The following RGPD3 variants were observed in gnomAD, a reference collection of about 807,000 sequenced individuals.
RGPD3 encodes RANBP2 like and GRIP domain containing 3.
A neutral mutation model predicts 154.5 loss-of-function variants in RGPD3; 62 were observed. That is an observed-to-expected ratio of 0.40 (90% CI 0.33 to 0.50). The LOEUF (loss-of-function observed/expected upper bound fraction) is 0.50. Ranked by LOEUF, RGPD3 falls within the 20% of genes least tolerant of loss-of-function variation. The pLI is 0.59. For synonymous variants in RGPD3, 308 were observed against 607.0 expected (o/e 0.51, Z 7.24); for missense variants, 919 against 1,716.8 (o/e 0.54, Z 8.21).
chr2:106,460,301 G>A (rs1288697338), intron 1 of RGPD3, among the ~76,000 whole-genome samples: 1 of 150,916 alleles, frequency 6.6e-6, no homozygotes, highest in Admixed American at 6.6e-5. Flanking sequence ...GGGGAGGAAA[G>A]GTATTCCAGA....
In RGPD3 at chr2:106,422,536, C is replaced by G. The variant is rs1473253405; in HGVS notation, c.4924+507G>C. Among the ~76,000 whole-genome samples the G allele has an allele frequency of 3.9e-5, 6 of 152,132 alleles. No individual in the cohort carries two copies. The South Asian group carries it at 6.2e-4, about 16-fold the overall frequency. On this transcript the variant is annotated intron_variant, in intron 20 of 22. Transcript: ENST00000409886. Reference sequence around the variant, plus strand: ...GCTGCTAATTATAGGCACGCACCACCACGCCCGGCTCATTTTTGTATTTTC... The same window carrying G: ...GCTGCTAATTATAGGCACGCACCACGACGCCCGGCTCATTTTTGTATTTTC...
intron 1 of RGPD3, among the ~76,000 whole-genome samples, chr2:106,464,151 C>T (rs1678487760): frequency 6.6e-6 from 1 of 152,026 alleles, no homozygotes; most frequent in Non-Finnish European, 1.5e-5. Context: ...CGAGACTATC[C>T]TGGCTAACAC....
At chr2:106,434,079 C>T in intron 15 of RGPD3, 149 bp downstream of exon 15, 3 of 985,970 alleles carry the variant, frequency 3.0e-6, no homozygotes, top group South Asian at 1.6e-5. Context: ...GCAAGCAAAT[C>T]TAAGCATTTA....
rs367790713 is a variant in RGPD3 at position 106,434,353 on chromosome 2, C to T, written c.2080G>A (p.Asp694Asn). ...GGAGAAAGGGCATCATTTGCAATGTCTTCTGCCTTCCTGTGAAAAATCTAT... is the reference window on the plus strand; with the variant it reads ...GGAGAAAGGGCATCATTTGCAATGTTTTCTGCCTTCCTGTGAAAAATCTAT... ...LALIFHRKAE[D>N]IANDALSPEE... Residue 694 changes from aspartate to asparagine, a missense_variant, in exon 15 of 23, where the codon GAC becomes AAC. Physicochemically the swap from Asp to Asn is conservative, Grantham distance 23. Coordinates refer to ENST00000409886, the MANE Select transcript of RGPD3 (RefSeq NM_001144013.2). 3.8e-4 allele frequency: 614 copies of T among 1,611,360 alleles called. 3 individuals carry two copies. The African/African-American group carries it at 7.0e-3, about 18-fold the overall frequency.
At chr2:106,430,484 A>C (rs1174310131) in intron 17 of RGPD3, among the ~76,000 whole-genome samples, 1,331 of 141,740 alleles carry the variant, frequency 9.4e-3, no homozygotes, top group African/African-American at 0.036. Flanking sequence ...CTCTAACATT[A>C]CACTGACCAT....
At chr2:106,414,057 T>C (rs1417032527) in intron 21 of RGPD3, among the ~76,000 whole-genome samples, 1 of 152,010 alleles carries the variant, frequency 6.6e-6, no homozygotes, top group Non-Finnish European at 1.5e-5. Context: ...GAACGGCACT[T>C]AATCAAAAGT....
intron 22 of RGPD3, among the ~76,000 whole-genome samples, chr2:106,406,405 G>A (rs1047300624): frequency 2.8e-5 from 4 of 142,316 alleles, no homozygotes; most frequent in African/African-American, 1.1e-4. Context: ...GAATCACACT[G>A]TACATAGTAT....
At chr2:106,407,513 TG>T (rs1676551915) in intron 22 of RGPD3, among the ~76,000 whole-genome samples, 3 of 151,232 alleles carry the variant, frequency 2.0e-5, no homozygotes, top group Admixed American at 6.6e-5. Context: ...GAGGTAACCT[TG>T]TTCCCAGGAA....
At chr2:106,416,342 T>C (rs1376338384) in intron 20 of RGPD3, among the ~76,000 whole-genome samples, 3 of 138,822 alleles carry the variant, frequency 2.2e-5, no homozygotes, top group African/African-American at 5.4e-5. Flanking sequence ...AGCATTAACA[T>C]TTACTGGTCA....
chr2:106,457,290 T>A (rs1350367368), intron 3 of RGPD3, among the ~76,000 whole-genome samples, 167 bp from the exon 4 acceptor site: 1 of 152,252 alleles, frequency 6.6e-6, no homozygotes, highest in Non-Finnish European at 1.5e-5. Context: ...CAAATAAAAG[T>A]GTCTTGGAAT....
At chr2:106,450,468 C>G (rs551101565) in intron 6 of RGPD3, among the ~76,000 whole-genome samples, 4 of 150,956 alleles carry the variant, frequency 2.6e-5, no homozygotes, top group African/African-American at 9.8e-5. Context: ...AAGTCACCCC[C>G]TCATGGTCCA....
intron 6 of RGPD3, among the ~76,000 whole-genome samples, chr2:106,448,250 G>A (rs1205352911): frequency 6.6e-6 from 1 of 152,112 alleles, no homozygotes; most frequent in Non-Finnish European, 1.5e-5. Flanking sequence ...TGGGATTACA[G>A]GCACCTGCCA....
chr2:106,406,684 C>A (rs1461639064), intron 22 of RGPD3, among the ~76,000 whole-genome samples: 1 of 151,810 alleles, frequency 6.6e-6, no homozygotes, highest in Non-Finnish European at 1.5e-5. Context: ...TTTTAAAGTG[C>A]ATAATTCACT....
intron 6 of RGPD3, among the ~76,000 whole-genome samples, chr2:106,450,890 A>AAAAAAAAAAAAAAAAAC (rs1553462282): frequency 8.4e-6 from 1 of 118,832 alleles, no homozygotes; most frequent in Non-Finnish European, 1.7e-5. Context: ...TCAAAAAAAA[A>AAAAAAAAAAAAAAAAAC]AGAGAGATTG....
In RGPD3 at chr2:106,415,910, G is replaced by T; in HGVS notation, c.5004C>A (p.His1668Gln). 2 of 1,611,878 alleles carry T rather than the reference G, an allele frequency of 1.2e-6. No homozygotes were observed. The highest frequency in any genetic ancestry group is 1.7e-6 in the Non-Finnish European group (2 of 1,179,848). ...KLSSTTKSADHLNGLLREIEA... is the reference protein window; with the variant it reads ...KLSSTTKSADQLNGLLREIEA... ...CTATTTCCCGAAGCAGGCCGTTTAAGTGATCTGCACTTTTTGTGGTGGAAC... is the reference window on the plus strand; with the variant it reads ...CTATTTCCCGAAGCAGGCCGTTTAATTGATCTGCACTTTTTGTGGTGGAAC... Residue 1668 changes from histidine (H) to glutamine (Q), a missense_variant, in exon 21 of 23, where the codon CAC (histidine) becomes CAA (glutamine). Physicochemically the swap from His to Gln is conservative, Grantham distance 24. Transcript: ENST00000409886.
At chr2:106,410,688 T>C (rs1342473255) in intron 22 of RGPD3, among the ~76,000 whole-genome samples, 1 of 152,208 alleles carries the variant, frequency 6.6e-6, no homozygotes, top group African/African-American at 2.4e-5. Flanking sequence ...ATTTCTGTCT[T>C]GCTTTTTATA....
rs781672566 is a variant in RGPD3, at chr2:106,423,893, A to G, written c.4074T>C (p.Phe1358=). ...SSGEENEQVV[F]SHRAEFYRYD... ...ATCTGTAGAATTCTGCCCTGTGACT[A>G]AAAACAACTTGTTCATTTTCCTCAC... The change falls in exon 20 of 23, where the codon TTT becomes TTC. Residue 1358 remains phenylalanine, a synonymous_variant. Coordinates refer to ENST00000409886, the MANE Select transcript of RGPD3 (RefSeq NM_001144013.2). 589 of 1,611,914 alleles carry G rather than the reference A, an allele frequency of 3.7e-4. 1 individual carries two copies. Among genetic ancestry groups the G allele is most frequent in the Middle Eastern group, 1.1e-3 (5 of 4,430 alleles).
intron 20 of RGPD3, 66 bp downstream of exon 20, chr2:106,422,977 G>C (rs1677041910): frequency 2.5e-6 from 4 of 1,594,904 alleles, no homozygotes; most frequent in East Asian, 2.2e-5. Context: ...CCCACAAAGA[G>C]TCTGCATCAA....
intron 7 of RGPD3, among the ~76,000 whole-genome samples, chr2:106,442,292 C>A (rs1677772628): frequency 1.0e-5 from 1 of 98,634 alleles, no homozygotes; most frequent in Non-Finnish European, 2.0e-5. Context: ...AATTACATTA[C>A]TTTTCTACCC....
Sources: allele counts gnomAD v4.1 joint callset (sites outside exome capture counted in the v4.1 genomes callset), GRCh38; gene constraint gnomAD v4.1.1; transcripts MANE v1.5; gene names NCBI Gene and HGNC (gene_info 2026-07-23, HGNC 2026-07-21).